FAM135B: variants seen among roughly 807,000 people sequenced by gnomAD.
The protein encoded by FAM135B is family with sequence similarity 135 member B, also known as protein FAM135B.
FAM135B carries 43 observed loss-of-function variants against 127.7 expected under a neutral mutation model. The observed-to-expected ratio is 0.34, with a 90% CI of 0.26 to 0.43. The LOEUF is 0.43. Among genes scored for constraint, FAM135B ranks in the 20% least tolerant of loss-of-function variants. FAM135B has a pLI of 1.00. For missense variants in FAM135B, 1,558 were observed against 1,725.6 expected, an observed-to-expected ratio of 0.90 and a Z score of 1.72; for synonymous variants, 670 against 665.1, an observed-to-expected ratio of 1.01 and a Z score of -0.11.
At chr8:138,250,698 C>T (rs1440116567) in intron 6 of FAM135B, 143 bp downstream of exon 6, 2 of 879,998 alleles carry the variant, frequency 2.3e-6, no homozygotes, top group Non-Finnish European at 3.4e-6. Context: ...GCATGCTCCT[C>T]AGTGAGGCCC....
At position 138,496,979 on chromosome 8, in the gene FAM135B, C is replaced by A. The variant is rs1815423423; in HGVS notation, c.-328G>T. Among the ~76,000 whole-genome samples, 1 of 152,004 alleles carries A rather than the reference C, an allele frequency of 6.6e-6. No individual in the cohort carries two copies. The highest frequency in any genetic ancestry group is 2.4e-5 in the African/African-American group (1 of 41,420). On this transcript the variant is annotated 5_prime_UTR_variant, in exon 1 of 20. Coordinates refer to ENST00000395297, the MANE Select transcript of FAM135B (RefSeq NM_015912.4). ...GGCCGCGGCCTCCGGGCAGCCCCAG[C>A]GAGCAGGCGCCAGGACGCGAGGCTG...
rs566213071 is a variant in FAM135B at position 138,146,965 on chromosome 8, A to G, written c.3449-915T>C. Reference sequence around the variant, plus strand: ...AATATCATTCTTTATGAAACTACCCAATGATTCAAAGGAGGGTGAAAGTGC... The same window carrying G: ...AATATCATTCTTTATGAAACTACCCGATGATTCAAAGGAGGGTGAAAGTGC... On this transcript the variant is annotated intron_variant, in intron 14 of 19. Coordinates refer to ENST00000395297, the MANE Select transcript of FAM135B (RefSeq NM_015912.4). 5.9e-5 allele frequency among the ~76,000 whole-genome samples: 9 copies of G among 152,298 alleles called. No individual in the cohort carries two copies. In the South Asian group the frequency reaches 1.9e-3, roughly 32 times the overall value.
intron 14 of FAM135B, 133 bp from the exon 15 acceptor site, chr8:138,146,183 T>C (rs1248854788): frequency 3.4e-6 from 2 of 592,790 alleles, no homozygotes; most frequent in South Asian, 2.3e-5. Context: ...AAGTAGATAA[T>C]ATAAACAACT....
chr8:138,456,878 C>T (rs150295565), intron 1 of FAM135B, among the ~76,000 whole-genome samples: 90 of 152,148 alleles, frequency 5.9e-4, no homozygotes, highest in Middle Eastern at 3.4e-3. Flanking sequence ...ACAGAAACCA[C>T]GCTCCTTTCC....
chr8:138,368,093 C>T (rs144462393), intron 1 of FAM135B, 91 bp from the exon 2 acceptor site: 2 of 806,398 alleles, frequency 2.5e-6, no homozygotes, highest in African/African-American at 1.7e-5. Context: ...ATCTGACCAA[C>T]AGGACCAACA....
chr8:138,421,438 A>G (rs1834504836), intron 1 of FAM135B, among the ~76,000 whole-genome samples: 1 of 152,244 alleles, frequency 6.6e-6, no homozygotes. Flanking sequence ...CAATTTCAGT[A>G]TGGTTTCAAG....
chr8:138,182,155 G>C (rs1464459035), intron 9 of FAM135B, among the ~76,000 whole-genome samples: 1 of 152,102 alleles, frequency 6.6e-6, no homozygotes, highest in Non-Finnish European at 1.5e-5. Flanking sequence ...GTGAACAAGA[G>C]AAAAAAGAAA....
intron 2 of FAM135B, among the ~76,000 whole-genome samples, chr8:138,362,464 T>C (rs112009346): frequency 6.6e-6 from 1 of 152,246 alleles, no homozygotes. Context: ...GAATGACTTA[T>C]AGCTGTTTCC....
At chr8:138,237,053 C>T (rs139279723) in intron 7 of FAM135B, among the ~76,000 whole-genome samples, 12 of 152,146 alleles carry the variant, frequency 7.9e-5, no homozygotes, top group Non-Finnish European at 1.0e-4. Flanking sequence ...CGTCGGATGA[C>T]GGAACAGCCC....
intron 2 of FAM135B, among the ~76,000 whole-genome samples, chr8:138,357,436 C>A (rs908421670): frequency 2.0e-5 from 3 of 152,034 alleles, no homozygotes; most frequent in Admixed American, 2.0e-4. Flanking sequence ...AACTTATACA[C>A]TACATTTTTG....
chr8:138,397,313 A>G (rs1214244999), intron 1 of FAM135B, among the ~76,000 whole-genome samples: 1 of 152,218 alleles, frequency 6.6e-6, no homozygotes, highest in Non-Finnish European at 1.5e-5. Flanking sequence ...GCATGATTTT[A>G]TGTGTATGAA....
Position 138,243,132 on chromosome 8 carries a change from AG to A in FAM135B, c.543-65del. 1 of 1,550,002 alleles carries A rather than the reference AG, an allele frequency of 6.5e-7. No homozygotes were observed. Among genetic ancestry groups the A allele is most frequent in the Non-Finnish European group, 8.7e-7 (1 of 1,148,658 alleles). On this transcript the variant is annotated intron_variant, in intron 6 of 19. Coordinates refer to ENST00000395297, the MANE Select transcript of FAM135B (RefSeq NM_015912.4). The surrounding 1 kb of genome is among the most constrained non-coding windows in gnomAD (Gnocchi z 7.5). ...AAGAAAGTGATGGTGCCATTAACTC[AG>A]CCCCTTTGAGGAGTGTTCCTGTGAA... is the stretch of plus-strand genomic sequence containing the variant.
At chr8:138,256,637 C>A (rs368485959) in intron 5 of FAM135B, 52 bp downstream of exon 5, 1 of 1,452,084 alleles carries the variant, frequency 6.9e-7, no homozygotes. Flanking sequence ...AGTGGGGAAG[C>A]GGGGAGGAGA....
intron 5 of FAM135B, 93 bp from the exon 6 acceptor site, chr8:138,251,107 G>A (rs1821669228): frequency 1.2e-5 from 17 of 1,408,406 alleles, no homozygotes; most frequent in Non-Finnish European, 1.6e-5. Flanking sequence ...CATGGGCCAA[G>A]CACCATGCAT....
intron 9 of FAM135B, among the ~76,000 whole-genome samples, chr8:138,181,674 C>A (rs1297729281): frequency 6.8e-6 from 1 of 147,198 alleles, no homozygotes; most frequent in Non-Finnish European, 1.5e-5. Flanking sequence ...ATTTCAGAAG[C>A]CAATTTTGTG....
Position 138,348,240 on chromosome 8 carries a change from T to G in FAM135B, c.77+19667A>C, listed in dbSNP as rs1260492315. Among the ~76,000 whole-genome samples, 4 of 140,702 alleles carry G rather than the reference T, an allele frequency of 2.8e-5. No homozygotes were observed. In the South Asian group the frequency reaches 7.3e-4, roughly 26 times the overall value. 92.3% of individuals were successfully genotyped at this position (140,702 alleles called of 152,430 possible). On this transcript the variant is annotated intron_variant, in intron 2 of 19. Coordinates refer to ENST00000395297, the MANE Select transcript of FAM135B (RefSeq NM_015912.4). ...ACCTCCACTTCCCAGGTTCAAGCAA[T>G]TTTCCTGTCTCAGCCTTCCGAGTAG...
At chr8:138,246,024 T>A (rs1238476013) in intron 6 of FAM135B, among the ~76,000 whole-genome samples, 1 of 152,144 alleles carries the variant, frequency 6.6e-6, no homozygotes, top group African/African-American at 2.4e-5. Context: ...AAAGACAACA[T>A]TTTGCCCCTT....
chr8:138,211,290 G>A (rs551948698), intron 7 of FAM135B, among the ~76,000 whole-genome samples: 12 of 152,150 alleles, frequency 7.9e-5, no homozygotes, highest in Non-Finnish European at 1.5e-4. Context: ...ATAAATCATC[G>A]TTTACCTGGG....
At chr8:138,140,175 C>T (rs993113395) in intron 17 of FAM135B, among the ~76,000 whole-genome samples, 8 of 152,258 alleles carry the variant, frequency 5.3e-5, no homozygotes, top group South Asian at 2.1e-4. Flanking sequence ...TGTTATGTGC[C>T]ATTGTGTCGG....
Sources: allele counts gnomAD v4.1 joint callset (sites outside exome capture counted in the v4.1 genomes callset), GRCh38; gene constraint gnomAD v4.1.1; non-coding constraint Gnocchi (gnomAD v3.1); transcripts MANE v1.5; gene names NCBI Gene and HGNC (gene_info 2026-07-23, HGNC 2026-07-21).